CRB2: variants seen among roughly 807,000 people sequenced by gnomAD.
CRB2 encodes protein crumbs homolog 2.
Under a neutral mutation model 110.9 loss-of-function variants are expected in CRB2, and 85 were observed. The ratio of observed to expected loss-of-function variants is 0.77; its 90% CI spans 0.64 to 0.92. The LOEUF is 0.92. Ranked by LOEUF, CRB2 falls within the 40% of genes least tolerant of loss-of-function variation. CRB2 has a pLI of 0.00. For missense variants in CRB2, 1,843 were observed against 1,851.3 expected, an observed-to-expected ratio of 1.00 and a Z score of 0.08; for synonymous variants, 907 against 831.0, an observed-to-expected ratio of 1.09 and a Z score of -1.57.
In CRB2 at chr9:123,377,068, C is replaced by T; in HGVS notation, c.*6C>T. On this transcript the variant is annotated 3_prime_UTR_variant, in exon 13 of 13. Transcript: ENST00000373631. ...CGGAGGAGAGACTCATCTAGGCCAG[C>T]CTGGCTGCTGGCACCAGCACCTGGA... 6.5e-7 allele frequency: 1 copy of T among 1,539,266 alleles called. No homozygotes were observed. The highest frequency in any genetic ancestry group is 8.8e-7 in the Non-Finnish European group (1 of 1,142,650).
Position 123,367,670 on chromosome 9 carries a change from C to A in CRB2, c.1038C>A (p.Cys346Ter). The change falls in exon 6 of 13, where the codon TGC becomes TGA. Residue 346 changes from cysteine (C) to a stop codon, truncating the protein, a stop_gained. Coordinates refer to ENST00000373631, the MANE Select transcript of CRB2 (RefSeq NM_173689.7). LOFTEE classifies it high-confidence loss of function. ...QDLPNGFQCH[C>*]PDGYAGPTCE... ...TGCCCAATGGCTTCCAGTGTCACTG[C>A]CCAGATGGCTACGCAGGTGTCTGGG... is the stretch of plus-strand genomic sequence containing the variant. 14 of 1,561,706 alleles carry A rather than the reference C, an allele frequency of 9.0e-6. No individual in the cohort carries two copies. Among genetic ancestry groups the A allele is most frequent in the Non-Finnish European group, 1.1e-5 (13 of 1,153,714 alleles).
At chr9:123,365,505 A>C (rs2041918380) in intron 2 of CRB2, among the ~76,000 whole-genome samples, 2 of 152,108 alleles carry the variant, frequency 1.3e-5, no homozygotes, top group Admixed American at 1.3e-4. Flanking sequence ...GTCTCTTTGG[A>C]ATCCAACTGC....
chr9:123,374,155 G>C, intron 10 of CRB2: 1 of 682,488 alleles, frequency 1.5e-6, no homozygotes. Flanking sequence ...GCTGGGAGCC[G>C]CCTGCCGCTT....
Position 123,371,295 on chromosome 9 carries a change from C to G in CRB2, c.2153C>G (p.Pro718Arg). The change falls in exon 8 of 13, where the codon CCT (proline) becomes CGT (arginine). Residue 718 changes from proline to arginine, a missense_variant. By Grantham distance (103) the Pro-to-Arg change is moderately radical. Coordinates refer to ENST00000373631, the MANE Select transcript of CRB2 (RefSeq NM_173689.7). ...EVPGSPAVVL[P>R]GRWDDGLRHL... ...CCGGGCAGTCCTGCTGTAGTGCTCC[C>G]TGGGCGCTGGGATGATGGGCTCCGT... 1 of 1,613,268 alleles carries G rather than the reference C, an allele frequency of 6.2e-7. No individual in the cohort carries two copies. Among genetic ancestry groups the G allele is most frequent in the Non-Finnish European group, 8.5e-7 (1 of 1,179,616 alleles).
chr9:123,367,042 G>A, intron 4 of CRB2, 130 bp from the exon 5 acceptor site: 1 of 904,256 alleles, frequency 1.1e-6, no homozygotes. Context: ...CCCTTAGTGT[G>A]TCCCTCCCTC....
chr9:123,377,218 C>T lies in CRB2; in HGVS notation c.*156C>T, dbSNP rs933962190. On this transcript the variant is annotated 3_prime_UTR_variant, in exon 13 of 13. Coordinates refer to ENST00000373631, the MANE Select transcript of CRB2 (RefSeq NM_173689.7). ...CCTCTGCCCCATCCTGGATGGAGGACGAGGGGAGCAACTCAGGGAAACAGA... is the reference window on the plus strand; with the variant it reads ...CCTCTGCCCCATCCTGGATGGAGGATGAGGGGAGCAACTCAGGGAAACAGA... The T allele has an allele frequency of 7.7e-5, 53 of 686,556 alleles. No individual in the cohort carries two copies. Among genetic ancestry groups the T allele is most frequent in the African/African-American group, 6.5e-4 (36 of 55,410 alleles). The allele number at this position is 686,556 out of a possible 1,614,324, so 42.5% of individuals were successfully genotyped here.
At chr9:123,358,738 G>A (rs2041827707) in intron 1 of CRB2, among the ~76,000 whole-genome samples, 1 of 152,258 alleles carries the variant, frequency 6.6e-6, no homozygotes, top group Non-Finnish European at 1.5e-5. Context: ...GGATTTCACA[G>A]TACACTGTGC....
In CRB2 at chr9:123,377,288, C is replaced by T. The variant is rs549275254; in HGVS notation, c.*226C>T. The T allele has an allele frequency of 1.9e-3, 1,072 of 555,290 alleles. 24 individuals carry two copies. The South Asian group carries it at 0.025, about 13-fold the overall frequency. 34.4% of individuals were successfully genotyped at this position (555,290 alleles called of 1,614,324 possible). ...CTTCTCCATCCCACCCTCGGGGTTC[C>T]GCCTTGGCAGGTGTACGGCTGTGCG... On this transcript the variant is annotated 3_prime_UTR_variant, in exon 13 of 13. Coordinates refer to ENST00000373631, the MANE Select transcript of CRB2 (RefSeq NM_173689.7).
In CRB2 at chr9:123,373,241, G is replaced by A. The variant is rs2042043554; in HGVS notation, c.2710G>A (p.Asp904Asn). 3 of 1,503,806 alleles carry A rather than the reference G, an allele frequency of 2.0e-6. No individual in the cohort carries two copies. The highest frequency in any genetic ancestry group is 1.4e-5 in the African/African-American group (1 of 69,010). 93.2% of individuals were successfully genotyped at this position (1,503,806 alleles called of 1,614,324 possible). Reference protein sequence around the residue: ...GGLSLAFRTRDSEAWLLRAAA... With the variant: ...GGLSLAFRTRNSEAWLLRAAA... ...CCTGTCGCTGGCCTTTCGCACGCGC[G>A]ACTCCGAGGCCTGGCTGCTGCGTGC... The change falls in exon 10 of 13, where the codon GAC becomes AAC. Residue 904 changes from aspartate (D) to asparagine (N), a missense_variant. Transcript: ENST00000373631.
intron 1 of CRB2, among the ~76,000 whole-genome samples, chr9:123,358,693 A>G (rs1324832233): frequency 6.6e-6 from 1 of 152,258 alleles, no homozygotes; most frequent in Admixed American, 6.5e-5. Context: ...AGAGATGGCC[A>G]GTCCCAGAGC....
In CRB2 at chr9:123,370,894, G is replaced by C. The variant is rs772447477; in HGVS notation, c.1841G>C (p.Cys614Ser). Residue 614 changes from cysteine (C) to serine (S), a missense_variant, in exon 7 of 13, where the codon TGT (cysteine) becomes TCT (serine). Coordinates refer to ENST00000373631, the MANE Select transcript of CRB2 (RefSeq NM_173689.7). Reference sequence around the variant, plus strand: ...CGAGAGCAGTGCCGGCCTCTGCCTTGTGTCCACGGAGGGTCCTGTGTGGAT... The same window carrying C: ...CGAGAGCAGTGCCGGCCTCTGCCTTCTGTCCACGGAGGGTCCTGTGTGGAT... ...ERREQCRPLPCVHGGSCVDLW... is the reference protein window; with the variant it reads ...ERREQCRPLPSVHGGSCVDLW... The C allele has an allele frequency of 2.6e-5, 42 of 1,612,794 alleles. No homozygotes were observed. The highest frequency in any genetic ancestry group is 3.2e-5 in the Non-Finnish European group (38 of 1,180,024).
chr9:123,370,658 C>G lies in CRB2; in HGVS notation c.1605C>G (p.Leu535=). The stretch of plus-strand genomic sequence containing the variant: ...ATCTAGCGACCCTGGAGCTACGGCT[C>G]TGGCATGAGGGCTGCCCTGCCCGGC... ...VLHLATLELR[L]WHEGCPARLC... is the part of the protein sequence containing the mutation. Residue 535 remains leucine, a synonymous_variant, in exon 7 of 13, where the codon CTC becomes CTG. Coordinates refer to ENST00000373631, the MANE Select transcript of CRB2 (RefSeq NM_173689.7). 2 of 1,608,142 alleles carry G rather than the reference C, an allele frequency of 1.2e-6. No homozygotes were observed. The highest frequency in any genetic ancestry group is 1.7e-6 in the Non-Finnish European group (2 of 1,180,002).
intron 1 of CRB2, among the ~76,000 whole-genome samples, chr9:123,359,436 GTTTTGTTTT>G (rs1178221877): frequency 1.1e-4 from 7 of 62,422 alleles, no homozygotes; most frequent in East Asian, 5.3e-4. Flanking sequence ...TTTCGTTTTT[GTTTTGTTTT>G]TTTTTTTTTT....
chr9:123,380,319 C>T (rs1359894360), downstream of CRB2: 1 of 152,588 alleles, frequency 6.6e-6, no homozygotes, highest in Admixed American at 6.5e-5. Context: ...AATAAACATT[C>T]AATCTAACTT....
At chr9:123,364,793 C>T (rs1240583793) in intron 2 of CRB2, among the ~76,000 whole-genome samples, 2 of 152,206 alleles carry the variant, frequency 1.3e-5, no homozygotes, top group Non-Finnish European at 2.9e-5. Context: ...TCTTCACCAT[C>T]ACCCTGGGAG....
At chr9:123,373,028 C>T (rs1401463105) in intron 9 of CRB2, 106 bp from the exon 10 acceptor site, 3 of 977,036 alleles carry the variant, frequency 3.1e-6, no homozygotes, top group African/African-American at 1.7e-5. Flanking sequence ...GTGCGTGTGC[C>T]CCACCCCAAG....
At position 123,367,622 on chromosome 9, in the gene CRB2, C is replaced by G. The variant is rs745697511; in HGVS notation, c.990C>G (p.Leu330=). ...EVDECASRPC[L]NGGHCQDLPN... ...ACGAGTGTGCCTCACGGCCATGCCT[C>G]AACGGAGGCCACTGCCAGGACCTGC... Residue 330 remains leucine (L), a synonymous_variant, in exon 6 of 13, where the codon CTC becomes CTG. Coordinates refer to ENST00000373631, the MANE Select transcript of CRB2 (RefSeq NM_173689.7). 4.5e-6 allele frequency: 7 copies of G among 1,570,554 alleles called. No individual in the cohort carries two copies. The African/African-American group carries it at 8.1e-5, about 18-fold the overall frequency.
chr9:123,358,445 G>C (rs565997538), intron 1 of CRB2, among the ~76,000 whole-genome samples: 6 of 152,342 alleles, frequency 3.9e-5, no homozygotes, highest in East Asian at 3.9e-4. Context: ...CAGCCAGAAG[G>C]GGGTGGGGGC....
At chr9:123,375,190 G>C (rs369111020) in intron 11 of CRB2, 27 bp from the exon 12 acceptor site, 64 of 1,611,030 alleles carry the variant, frequency 4.0e-5, no homozygotes, top group Middle Eastern at 1.8e-4. Context: ...GGGGGAAGCC[G>C]CTTTCTCAGC....
Sources: gnomAD v4.1 joint callset for allele counts (sites outside exome capture counted in the v4.1 genomes callset) on GRCh38, gnomAD v4.1.1 for gene constraint, MANE v1.5 for transcripts, NCBI Gene and HGNC (gene_info 2026-07-23, HGNC 2026-07-21) for gene names.